The following MAF variants were observed in gnomAD, a reference collection of about 807,000 sequenced individuals.
MAF encodes the protein transcription factor Maf.
Under a neutral mutation model 22.0 loss-of-function variants are expected in MAF, and 10 were observed. The observed-to-expected ratio is 0.45, with a 90% confidence interval of 0.28 to 0.77. The LOEUF (loss-of-function observed/expected upper bound fraction) is 0.77. Among genes scored for constraint, MAF ranks in the 30% least tolerant of loss-of-function variants. MAF has a pLI of 0.12. For missense variants in MAF, 544 were observed against 548.4 expected, an observed-to-expected ratio of 0.99 and a Z score of 0.08; for synonymous variants, 337 against 255.8, an observed-to-expected ratio of 1.32 and a Z score of -3.03.
chr16:79,340,355 A>C, the MAF span, among the ~76,000 whole-genome samples: 1 of 151,680 alleles, frequency 6.6e-6, no homozygotes, highest in East Asian at 2.0e-4. Flanking sequence ...TTTTTAATTT[A>C]GTCATGTAAC....
chr16:79,510,270 C>G, the MAF span, among the ~76,000 whole-genome samples: 1 of 152,174 alleles, frequency 6.6e-6, no homozygotes, highest in African/African-American at 2.4e-5. Flanking sequence ...TATTTGCCTC[C>G]TCTTGGCTTC....
the MAF span, among the ~76,000 whole-genome samples, chr16:79,352,780 G>T: frequency 3.5e-4 from 54 of 152,220 alleles, no homozygotes; most frequent in Middle Eastern, 6.8e-3. Flanking sequence ...GAATATTATA[G>T]GATGTTTAGC....
the MAF span, among the ~76,000 whole-genome samples, chr16:79,558,946 C>T: frequency 4.6e-5 from 7 of 152,176 alleles, no homozygotes; most frequent in Admixed American, 2.0e-4. Flanking sequence ...TTTGTTTATT[C>T]TTGCCTGGGC....
chr16:79,372,704 G>A, the MAF span, among the ~76,000 whole-genome samples: 1 of 152,080 alleles, frequency 6.6e-6, no homozygotes, highest in Non-Finnish European at 1.5e-5. Flanking sequence ...TTGACCTCAG[G>A]AGCTGTGATT....
chr16:79,506,504 C>A, the MAF span, among the ~76,000 whole-genome samples: 1 of 152,170 alleles, frequency 6.6e-6, no homozygotes, highest in Non-Finnish European at 1.5e-5. Flanking sequence ...TGCATGGGAA[C>A]TGGAATCATG....
the MAF span, among the ~76,000 whole-genome samples, chr16:79,488,768 C>T: frequency 6.6e-6 from 1 of 152,152 alleles, no homozygotes; most frequent in Non-Finnish European, 1.5e-5. Context: ...GTGCACAAAG[C>T]AGCTTTCTTA....
At chr16:79,221,719 G>C in the MAF span, among the ~76,000 whole-genome samples, 1 of 151,948 alleles carries the variant, frequency 6.6e-6, no homozygotes, top group Non-Finnish European at 1.5e-5. Context: ...TTGTGTATGT[G>C]TGTGTGTGCA....
chr16:79,533,780 C>G, the MAF span, among the ~76,000 whole-genome samples: 3 of 152,184 alleles, frequency 2.0e-5, no homozygotes, highest in Admixed American at 2.0e-4. Flanking sequence ...CCGATTAGCT[C>G]TGCGTGTGAG....
downstream of MAF, among the ~76,000 whole-genome samples, chr16:79,583,378 G>A (rs1004468542): frequency 6.6e-6 from 1 of 152,068 alleles, no homozygotes; most frequent in Admixed American, 6.5e-5. Context: ...AAAAAATATC[G>A]ATGGGTACTT....
rs75556494 is a variant in MAF at position 79,594,094 on chromosome 16, G to A, written c.*366C>T. The A allele has an allele frequency of 1.9e-4, 53 of 284,356 alleles. No homozygotes were observed. The highest frequency in any genetic ancestry group is 2.2e-3 in the Middle Eastern group (2 of 914). 17.6% of individuals were successfully genotyped at this position (284,356 alleles called of 1,614,324 possible). On this transcript the variant is annotated 3_prime_UTR_variant, in exon 2 of 2. Transcript: ENST00000326043. The stretch of plus-strand genomic sequence containing the variant: ...AAAAAGTACTATTTAGAATGTGCAT[G>A]CCTATATATGATTTTAAAATGCTAA...
At chr16:79,250,312 G>A in the MAF span, among the ~76,000 whole-genome samples, 18,666 of 152,216 alleles carry the variant, frequency 0.12, 1,416 homozygotes, top group Middle Eastern at 0.19. Context: ...ATTCCCTATT[G>A]TGATTTTCAT....
the MAF span, among the ~76,000 whole-genome samples, chr16:79,562,784 G>A: frequency 6.6e-6 from 1 of 152,190 alleles, no homozygotes; most frequent in Non-Finnish European, 1.5e-5. Context: ...ACAAGTGGAA[G>A]ATGAAGAGGA....
the MAF span, among the ~76,000 whole-genome samples, chr16:79,538,566 A>T: frequency 5.3e-5 from 8 of 152,224 alleles, no homozygotes; most frequent in African/African-American, 1.9e-4. Context: ...AATATTATAC[A>T]TGTAAAAATA....
the MAF span, among the ~76,000 whole-genome samples, chr16:79,398,635 ATGTGTGTG>A: frequency 6.6e-6 from 1 of 151,452 alleles, no homozygotes; most frequent in Non-Finnish European, 1.5e-5. Flanking sequence ...GTCTATCTGT[ATGTGTGTG>A]TGTGTGTTGC....
chr16:79,523,018 G>GACA, the MAF span, among the ~76,000 whole-genome samples: 1 of 152,132 alleles, frequency 6.6e-6, no homozygotes, highest in Non-Finnish European at 1.5e-5. Context: ...CAATTTTGAG[G>GACA]ATTTACTTCA....
At chr16:79,577,181 C>T in the MAF span, among the ~76,000 whole-genome samples, 1 of 152,058 alleles carries the variant, frequency 6.6e-6, no homozygotes, top group Non-Finnish European at 1.5e-5. Flanking sequence ...AGACCACTGG[C>T]AGCCACAGCT....
chr16:79,425,139 A>T, the MAF span, among the ~76,000 whole-genome samples: 1 of 152,180 alleles, frequency 6.6e-6, no homozygotes, highest in African/African-American at 2.4e-5. Context: ...GTTATGATCT[A>T]TTTAATGATA....
the MAF span, among the ~76,000 whole-genome samples, chr16:79,263,998 A>G: frequency 2.6e-5 from 4 of 152,192 alleles, no homozygotes; most frequent in African/African-American, 9.7e-5. Flanking sequence ...TTCCTGTGGC[A>G]AGAGAGCCCC....
the MAF span, among the ~76,000 whole-genome samples, chr16:79,533,524 G>C: frequency 2.0e-5 from 3 of 152,130 alleles, no homozygotes; most frequent in Non-Finnish European, 4.4e-5. Flanking sequence ...TTGAGTGAGA[G>C]GGAGGAAGAC....
Sources: gnomAD v4.1 joint callset for allele counts (sites outside exome capture counted in the v4.1 genomes callset) on GRCh38, gnomAD v4.1.1 for gene constraint, MANE v1.5 for transcripts, NCBI Gene and HGNC (gene_info 2026-07-23, HGNC 2026-07-21) for gene names.